The following DNAAF5 variants were observed in gnomAD, a reference collection of about 807,000 sequenced individuals.
DNAAF5 encodes dynein axonemal assembly factor 5.
In DNAAF5, 64 loss-of-function variants were observed where a neutral mutation model predicts 75.8. The ratio of observed to expected loss-of-function variants is 0.84; its 90% CI spans 0.69 to 1.04. DNAAF5 has a LOEUF of 1.04. Among genes scored for constraint, DNAAF5 ranks in the 50% least tolerant of loss-of-function variants. DNAAF5 has a pLI of 0.00. For missense variants in DNAAF5, 1,269 were observed against 1,178.5 expected, an observed-to-expected ratio of 1.08 and a Z score of -1.12; for synonymous variants, 657 against 557.2, an observed-to-expected ratio of 1.18 and a Z score of -2.52.
rs78843602 is a variant in DNAAF5 at position 727,621 on chromosome 7, C to T, written c.595+306C>T. On this transcript the variant is annotated intron_variant, in intron 1 of 12. Coordinates refer to ENST00000297440, the MANE Select transcript of DNAAF5 (RefSeq NM_017802.4). ...CCTGCGCTGCCACGTGCTCCTTGCC[C>T]CGTGACCCCTGTTCCTGCTTGGCCC... 554 of 181,130 alleles carry T rather than the reference C, an allele frequency of 3.1e-3. 6 individuals carry two copies. Among genetic ancestry groups the T allele is most frequent in the African/African-American group, 0.013 (527 of 40,500 alleles). 11.2% of individuals were successfully genotyped at this position (181,130 alleles called of 1,614,324 possible). A position where few individuals can be genotyped will look rare whatever the true frequency, so the allele number is the denominator to read the frequency against.
At chr7:776,012 T>G (rs4719284) in intron 11 of DNAAF5, among the ~76,000 whole-genome samples, 2 of 151,940 alleles carry the variant, frequency 1.3e-5, no homozygotes, top group Non-Finnish European at 2.9e-5. Flanking sequence ...ACGACTGTAT[T>G]TAAGTTTGAT....
At chr7:745,036 C>T (rs1250351020) in intron 4 of DNAAF5, among the ~76,000 whole-genome samples, 3 of 152,234 alleles carry the variant, frequency 2.0e-5, no homozygotes, top group Non-Finnish European at 4.4e-5. Context: ...GTCAGTGCCT[C>T]TCCCTCCAGC....
At chr7:738,475 T>TG (rs1240328890) in intron 2 of DNAAF5, among the ~76,000 whole-genome samples, 1 of 152,160 alleles carries the variant, frequency 6.6e-6, no homozygotes, top group Non-Finnish European at 1.5e-5. Flanking sequence ...CTGATGCTTG[T>TG]GGCTGTTGGT....
chr7:769,323 C>A, intron 8 of DNAAF5: 1 of 649,054 alleles, frequency 1.5e-6, no homozygotes, highest in Non-Finnish European at 2.8e-6. Context: ...GCTCCTGGGC[C>A]TGCAGGCTGA....
intron 6 of DNAAF5, among the ~76,000 whole-genome samples, chr7:760,422 G>A (rs1464603893): frequency 6.6e-6 from 1 of 152,146 alleles, no homozygotes; most frequent in Non-Finnish European, 1.5e-5. Context: ...TAAATTACAT[G>A]GCCACGGTCC....
intron 4 of DNAAF5, among the ~76,000 whole-genome samples, chr7:745,074 G>A (rs528971957): frequency 2.0e-4 from 30 of 152,182 alleles, no homozygotes; most frequent in Non-Finnish European, 3.1e-4. Context: ...TGCGTTGGTC[G>A]GACCTTTAAG....
chr7:779,857 G>C (rs1279863765), intron 11 of DNAAF5, 96 bp from the exon 12 acceptor site: 1 of 1,014,394 alleles, frequency 9.9e-7, no homozygotes, highest in Non-Finnish European at 1.4e-6. Context: ...CCCAGGGCAG[G>C]TGTCCCATGG....
At chr7:770,795 C>A in intron 9 of DNAAF5, 177 bp downstream of exon 9, 1 of 579,366 alleles carries the variant, frequency 1.7e-6, no homozygotes, top group Non-Finnish European at 3.0e-6. Flanking sequence ...GGCCGGGGGT[C>A]CCCACCTCCC....
chr7:753,050 C>T (rs1299653509), intron 4 of DNAAF5, among the ~76,000 whole-genome samples: 2 of 152,212 alleles, frequency 1.3e-5, no homozygotes, highest in African/African-American at 2.4e-5. Context: ...CAAGACTGAG[C>T]GTACCGCGTG....
intron 8 of DNAAF5, among the ~76,000 whole-genome samples, chr7:767,266 G>A (rs901619023): frequency 1.8e-4 from 25 of 136,782 alleles, no homozygotes; most frequent in Admixed American, 9.2e-4. Flanking sequence ...AGACTGTAGG[G>A]TCCCATTTCT....
Position 770,464 on chromosome 7 carries a change from C to T in DNAAF5, c.1784-7C>T. On this transcript the variant is annotated splice_polypyrimidine_tract_variant and splice_region_variant and intron_variant, in intron 8 of 12. Coordinates refer to ENST00000297440, the MANE Select transcript of DNAAF5 (RefSeq NM_017802.4). ...CCGTGCACAGGAGCCTCTGTTGTGT[C>T]TTACAGGCCCTGCCCTGGGAGAAGC... The T allele has an allele frequency of 5.6e-6, 9 of 1,612,102 alleles. No homozygotes were observed. The highest frequency in any genetic ancestry group is 2.2e-5 in the South Asian group (2 of 90,748).
Position 741,446 on chromosome 7 carries a change from A to AC in DNAAF5, c.1009dup (p.His337ProfsTer6). ...AGCTGGACTTTGCCCCTCCCACCCC[A>AC]CCCCATTACCCTCCACATGGTGAGT... On this transcript the variant is annotated frameshift_variant, in exon 4 of 13. Transcript: ENST00000297440. LOFTEE classifies it high-confidence loss of function. The AC allele has an allele frequency of 2.6e-6, 2 of 773,838 alleles. No individual in the cohort carries two copies. The highest frequency in any genetic ancestry group is 2.7e-5 in the Admixed American group (1 of 36,872). The allele number at this position is 773,838 out of a possible 1,614,324, so 47.9% of individuals were successfully genotyped here.
chr7:771,077 T>C (rs1778548759), intron 9 of DNAAF5: 1 of 154,344 alleles, frequency 6.5e-6, no homozygotes, highest in Admixed American at 6.4e-5. Flanking sequence ...GTTAATGGCT[T>C]ATGTATTAGC....
rs753187681 is a variant in DNAAF5 at position 740,883 on chromosome 7, T to C, written c.845T>C (p.Phe282Ser). The change falls in exon 3 of 13, where the codon TTC becomes TCC. Residue 282 changes from phenylalanine to serine, a missense_variant. By Grantham distance (155) the Phe-to-Ser change is radical. Transcript: ENST00000297440. ...WLLCLRDRYS[F>S]FHKLIPLLLS... is the part of the protein sequence containing the mutation. ...CTGTGTCTGCGTGACCGTTACTCCT[T>C]CTTCCACAAGCTCATCCCTCTGCTG... The C allele has an allele frequency of 4.3e-6, 7 of 1,613,910 alleles. No homozygotes were observed. Among genetic ancestry groups the C allele is most frequent in the African/African-American group, 1.3e-5 (1 of 74,920 alleles).
intron 4 of DNAAF5, among the ~76,000 whole-genome samples, chr7:743,132 G>A (rs1245357525): frequency 2.0e-5 from 3 of 152,210 alleles, no homozygotes; most frequent in African/African-American, 7.2e-5. Context: ...GGGGGGCCAG[G>A]GTGGGAGGAT....
intron 4 of DNAAF5, among the ~76,000 whole-genome samples, chr7:743,966 T>G (rs1446813753): frequency 6.6e-6 from 1 of 151,474 alleles, no homozygotes; most frequent in Non-Finnish European, 1.5e-5. Context: ...TACTTTAAGT[T>G]TTAGGGTACA....
intron 8 of DNAAF5, chr7:768,998 C>G (rs961693810): frequency 1.6e-6 from 1 of 607,940 alleles, no homozygotes. Flanking sequence ...GGTGCAACGC[C>G]TCCTGCCCGG....
intron 5 of DNAAF5, 152 bp from the exon 6 acceptor site, chr7:756,630 A>T (rs1366800402): frequency 2.9e-6 from 2 of 683,136 alleles, no homozygotes; most frequent in Non-Finnish European, 5.0e-6. Context: ...ACCTTTCCTG[A>T]GGGCTCTGAG....
intron 8 of DNAAF5, among the ~76,000 whole-genome samples, chr7:764,661 A>G (rs1333035642): frequency 6.6e-6 from 1 of 152,198 alleles, no homozygotes; most frequent in Non-Finnish European, 1.5e-5. Flanking sequence ...GGATGCTAAG[A>G]TCGTTCTTAC....
Sources: allele counts gnomAD v4.1 joint callset (sites outside exome capture counted in the v4.1 genomes callset), GRCh38; gene constraint gnomAD v4.1.1; transcripts MANE v1.5; gene names NCBI Gene and HGNC (gene_info 2026-07-23, HGNC 2026-07-21).